TOX2: variants seen among roughly 807,000 people sequenced by gnomAD.
TOX2 encodes the protein TOX high mobility group box family member 2.
Under a neutral mutation model 47.4 loss-of-function variants are expected in TOX2, and 15 were observed. That is an observed-to-expected ratio of 0.32 (90% CI 0.21 to 0.49). TOX2 has a LOEUF of 0.49. Ranked by LOEUF, TOX2 falls within the 20% of genes least tolerant of loss-of-function variation. The probability of loss-of-function intolerance (pLI) is 0.99; values close to 1 mark genes in which losing one functional copy is unlikely to be tolerated. For synonymous variants in TOX2, 290 were observed against 296.6 expected (o/e 0.98, Z 0.23); for missense variants, 622 against 673.1 (o/e 0.92, Z 0.84).
chr20:43,914,918 G>T lies in TOX2; in HGVS notation c.27G>T (p.Ala9=). 8.6e-7 allele frequency: 1 copy of T among 1,162,252 alleles called. No homozygotes were observed. Among genetic ancestry groups the T allele is most frequent in the Non-Finnish European group, 1.1e-6 (1 of 945,808 alleles). The allele number at this position is 1,162,252 out of a possible 1,614,324, so 72.0% of individuals were successfully genotyped here. ...TGGACGTCCGCCTGTACCCCTCGGC[G>T]CCCGCGGTGGGCGCGCGGCCCGGGG... MDVRLYPS[A]PAVGARPGAE... is the part of the protein sequence containing the mutation. The change falls in exon 1 of 9, where the codon GCG becomes GCT. Residue 9 remains alanine (A), a synonymous_variant. Coordinates refer to ENST00000341197, the MANE Select transcript of TOX2 (RefSeq NM_001098797.2). This position sits in a 1 kb window ranked among gnomAD's most constrained non-coding sequence, Gnocchi z 4.5.
intron 1 of TOX2, among the ~76,000 whole-genome samples, chr20:43,971,394 G>GGT (rs1161542442): frequency 6.6e-6 from 1 of 152,246 alleles, no homozygotes; most frequent in Non-Finnish European, 1.5e-5. Context: ...TGGTAGAAAG[G>GGT]GTGGTGGGCT....
intron 1 of TOX2, among the ~76,000 whole-genome samples, chr20:43,966,744 ACT>A (rs2069859916): frequency 7.0e-6 from 1 of 142,852 alleles, no homozygotes; most frequent in Non-Finnish European, 1.5e-5. Flanking sequence ...ACAGAGCAAA[ACT>A]CTGTCTCAAA....
chr20:43,930,441 T>G (rs990649743), intron 1 of TOX2, among the ~76,000 whole-genome samples: 4 of 152,234 alleles, frequency 2.6e-5, no homozygotes, highest in Non-Finnish European at 1.5e-5. Context: ...AAAGTTGAGA[T>G]ATGACTCAAG....
rs538540016 is a variant in TOX2 at position 43,959,088 on chromosome 20, G to T, written c.100-14279G>T. Among the ~76,000 whole-genome samples the T allele has an allele frequency of 8.5e-5, 13 of 152,336 alleles. No homozygotes were observed. The South Asian group carries it at 2.7e-3, about 32-fold the overall frequency. The stretch of plus-strand genomic sequence containing the variant: ...GTTCAATAGTCAAGAACAGAGGGGT[G>T]GCTCTCTGCCTGGGAAGGCAACTGG... On this transcript the variant is annotated intron_variant, in intron 1 of 8. Transcript: ENST00000341197.
chr20:44,039,372 T>G, intron 3 of TOX2: 1 of 1,223,074 alleles, frequency 8.2e-7, no homozygotes, highest in South Asian at 1.4e-5. Flanking sequence ...TTTACATGGC[T>G]AGGCCATTGC....
intron 2 of TOX2, among the ~76,000 whole-genome samples, chr20:44,003,238 G>A (rs991556536): frequency 1.3e-5 from 2 of 150,002 alleles, no homozygotes; most frequent in African/African-American, 4.9e-5. Context: ...CCAGGCTGGA[G>A]TGCAGTGGCA....
rs570007980 is a variant in TOX2, at chr20:44,067,916, G to A, written c.1485-734G>A. ...ACCTGGAAGGCACAGCGCACTTGTC[G>A]GGTGGCCACCTTGCTGCTGAGAAAC... On this transcript the variant is annotated intron_variant, in intron 8 of 8. Coordinates refer to ENST00000341197, the MANE Select transcript of TOX2 (RefSeq NM_001098797.2). Among the ~76,000 whole-genome samples the A allele has an allele frequency of 3.3e-5, 5 of 152,326 alleles. No individual in the cohort carries two copies. In the East Asian group the frequency reaches 7.7e-4, roughly 24 times the overall value.
At chr20:44,033,891 G>GTTATCA (rs1345586957) in intron 3 of TOX2, among the ~76,000 whole-genome samples, 11 of 152,158 alleles carry the variant, frequency 7.2e-5, no homozygotes, top group Non-Finnish European at 1.5e-4. Context: ...CTAATACACA[G>GTTATCA]AGTCTCTGCT....
chr20:43,945,924 T>A, intron 1 of TOX2: 1 of 1,613,390 alleles, frequency 6.2e-7, no homozygotes, highest in Non-Finnish European at 8.5e-7. Context: ...TGCAGCAGAC[T>A]CGCACAGAGG....
At chr20:43,978,763 TTGTG>T (rs9305120) in intron 2 of TOX2, among the ~76,000 whole-genome samples, 11,543 of 146,530 alleles carry the variant, frequency 0.079, 639 homozygotes, top group African/African-American at 0.15. Flanking sequence ...TTGAAAGAAC[TTGTG>T]TGTGTGTGTG....
chr20:43,961,978 A>G (rs2069767163), intron 1 of TOX2, among the ~76,000 whole-genome samples: 3 of 152,166 alleles, frequency 2.0e-5, no homozygotes, highest in Non-Finnish European at 4.4e-5. Flanking sequence ...TCTTTGAACC[A>G]TTCCCCCTCA....
chr20:43,989,117 C>A (rs757749423), intron 2 of TOX2, among the ~76,000 whole-genome samples: 4 of 152,156 alleles, frequency 2.6e-5, no homozygotes, highest in Non-Finnish European at 5.9e-5. Flanking sequence ...GCATCTCAGT[C>A]CCCACCCAGA....
At chr20:43,942,735 G>A (rs2069417074) in intron 1 of TOX2, among the ~76,000 whole-genome samples, 1 of 152,092 alleles carries the variant, frequency 6.6e-6, no homozygotes, top group African/African-American at 2.4e-5. Flanking sequence ...AAAACAAGCA[G>A]CTTGGACAAG....
rs546986034 is a variant in TOX2, at chr20:43,928,528, C to T, written c.99+13538C>T. On this transcript the variant is annotated intron_variant, in intron 1 of 8. Transcript: ENST00000341197. ...CCTGGATTACGTCCTTCAGGATCAG[C>T]GAAGCACATCATTGTGTTTTCTTAA... Among the ~76,000 whole-genome samples, 5 of 152,310 alleles carry T rather than the reference C, an allele frequency of 3.3e-5. No individual in the cohort carries two copies. In the East Asian group the frequency reaches 9.6e-4, roughly 29 times the overall value.
intron 3 of TOX2, among the ~76,000 whole-genome samples, chr20:44,050,827 T>G (rs542025695): frequency 1.6e-4 from 24 of 152,298 alleles, no homozygotes; most frequent in African/African-American, 5.8e-4. Context: ...ATGAAGAAAC[T>G]GAGGCACAAA....
intron 1 of TOX2, among the ~76,000 whole-genome samples, chr20:43,928,861 G>A (rs6093895): frequency 0.27 from 40,853 of 151,678 alleles, 8,177 homozygotes; most frequent in East Asian, 0.54. Flanking sequence ...GGGGCCGGGC[G>A]TGGTGGCTCA....
chr20:44,026,774 C>T (rs996144586), intron 3 of TOX2, among the ~76,000 whole-genome samples: 1 of 152,110 alleles, frequency 6.6e-6, no homozygotes, highest in Non-Finnish European at 1.5e-5. Context: ...TTCTGTGCCT[C>T]AGGTCCACTG....
intron 1 of TOX2, among the ~76,000 whole-genome samples, chr20:43,949,459 T>C (rs1406516302): frequency 6.6e-6 from 1 of 152,212 alleles, no homozygotes; most frequent in Non-Finnish European, 1.5e-5. Flanking sequence ...TGGTTGTCTT[T>C]TGTAATCAGC....
intron 2 of TOX2, among the ~76,000 whole-genome samples, chr20:43,991,611 A>AATT (rs1298513641): frequency 4.9e-5 from 6 of 122,166 alleles, no homozygotes; most frequent in African/African-American, 1.9e-4. Context: ...GACAGGCAAT[A>AATT]ATCATTATTA....
Sources: allele counts gnomAD v4.1 joint callset (sites outside exome capture counted in the v4.1 genomes callset), GRCh38; gene constraint gnomAD v4.1.1; non-coding constraint Gnocchi (gnomAD v3.1); transcripts MANE v1.5; gene names NCBI Gene and HGNC (gene_info 2026-07-23, HGNC 2026-07-21).